The following KCNT1 variants were observed in gnomAD, a reference collection of about 807,000 sequenced individuals.
The protein encoded by KCNT1 is potassium sodium-activated channel subfamily T member 1, also known as potassium channel subfamily T member 1.
In KCNT1, 78 loss-of-function variants were observed where a neutral mutation model predicts 147.8. The ratio of observed to expected loss-of-function variants is 0.53; its 90% CI spans 0.44 to 0.64. KCNT1 has a LOEUF of 0.64. Ranked by LOEUF, KCNT1 falls within the 30% of genes least tolerant of loss-of-function variation. The pLI is 0.00. For synonymous variants in KCNT1, 867 were observed against 748.8 expected, an observed-to-expected ratio of 1.16 and a Z score of -2.58; for missense variants, 1,419 against 1,750.3, an observed-to-expected ratio of 0.81 and a Z score of 3.38.
Position 135,795,447 on chromosome 9 carries a change from CAAAA to C in KCNT1, c.*3287_*3290del, listed in dbSNP as rs1305490242. 6.6e-6 allele frequency: 1 copy of C among 152,070 alleles called. No homozygotes were observed. 9.4% of individuals were successfully genotyped at this position (152,070 alleles called of 1,614,324 possible). ...TGGCAGAGAGAGACCCTGTCTCAAA[CAAAA>C]CAAACAAACAAAAAAGAAAAAGAAA... is the stretch of plus-strand genomic sequence containing the variant. On this transcript the variant is annotated 3_prime_UTR_variant, in exon 31 of 31. Transcript: ENST00000371757.
Position 135,734,315 on chromosome 9 carries a change from C to T in KCNT1, c.255-15783C>T, listed in dbSNP as rs147345053. The stretch of plus-strand genomic sequence containing the variant: ...CCACCTTCCCCTCCGTGCCTGGCTC[C>T]AGCCATGGGCCCTGCACCCGTCCTG... On this transcript the variant is annotated intron_variant, in intron 2 of 30. Transcript: ENST00000371757. 4.7e-3 allele frequency among the ~76,000 whole-genome samples: 711 copies of T among 152,338 alleles called. 7 individuals carry two copies. The highest frequency in any genetic ancestry group is 0.015 in the African/African-American group (642 of 41,576).
intron 2 of KCNT1, 43 bp from the exon 3 acceptor site, chr9:135,750,055 C>A: frequency 1.3e-6 from 2 of 1,521,902 alleles, no homozygotes; most frequent in Non-Finnish European, 9.1e-7. Context: ...CAGCCTGAGT[C>A]CCCACTGGCC....
intron 20 of KCNT1, among the ~76,000 whole-genome samples, chr9:135,775,838 C>T (rs914135557): frequency 2.5e-4 from 38 of 152,348 alleles, no homozygotes; most frequent in Admixed American, 2.0e-4. Flanking sequence ...AGGCCTTCAG[C>T]GTCCTGCGTG....
intron 5 of KCNT1, among the ~76,000 whole-genome samples, chr9:135,754,598 G>A (rs2131424924): frequency 6.6e-6 from 1 of 152,354 alleles, no homozygotes; most frequent in African/African-American, 2.4e-5. Flanking sequence ...GCAAGGAGCA[G>A]ATGGCCCCCT....
Position 135,730,990 on chromosome 9 carries a change from TAA to T in KCNT1, c.254+16292_254+16293del, listed in dbSNP as rs56307359. ...AACAAAGTGAGATCCCGTCTCAAGG[TAA>T]AAAAAAAAAAAAAAAAAAAAAGTGT... On this transcript the variant is annotated intron_variant, in intron 2 of 30. Transcript: ENST00000371757. The surrounding 1 kb of genome is among the most constrained non-coding windows in gnomAD (Gnocchi z 4.7). Among the ~76,000 whole-genome samples the T allele has an allele frequency of 0.018, 1,565 of 85,550 alleles. 45 individuals are homozygous for T. Among genetic ancestry groups the T allele is most frequent in the East Asian group, 0.12 (363 of 3,038 alleles). The allele number at this position is 85,550 out of a possible 152,430, so 56.1% of individuals were successfully genotyped here.
At chr9:135,787,821 C>T (rs1834186739) in intron 29 of KCNT1, among the ~76,000 whole-genome samples, 1 of 152,182 alleles carries the variant, frequency 6.6e-6, no homozygotes, top group African/African-American at 2.4e-5. Flanking sequence ...GGGGGGTGCC[C>T]AGCATTCATG....
At chr9:135,778,875 G>A (rs1336421229) in intron 23 of KCNT1, 53 bp downstream of exon 23, 6 of 1,591,196 alleles carry the variant, frequency 3.8e-6, no homozygotes, top group East Asian at 4.5e-5. Context: ...CCACGACCAC[G>A]GGCCCTCGCC....
At chr9:135,771,474 C>T (rs1305253396) in intron 18 of KCNT1, among the ~76,000 whole-genome samples, 1 of 152,226 alleles carries the variant, frequency 6.6e-6, no homozygotes, top group Non-Finnish European at 1.5e-5. Flanking sequence ...TCACTGTGTC[C>T]AAGTGCCTGT....
intron 2 of KCNT1, among the ~76,000 whole-genome samples, chr9:135,726,691 C>T (rs971064644): frequency 6.6e-6 from 1 of 151,440 alleles, no homozygotes; most frequent in African/African-American, 2.4e-5. Context: ...CTCTCTCTCT[C>T]TCTACCTCTC....
intron 15 of KCNT1, among the ~76,000 whole-genome samples, chr9:135,769,463 A>G (rs1457267001): frequency 6.6e-6 from 1 of 152,160 alleles, no homozygotes; most frequent in Non-Finnish European, 1.5e-5. Flanking sequence ...ACCGCATCCG[A>G]GAAGGGACCT....
At chr9:135,778,613 C>CT (rs2131549102) in intron 22 of KCNT1, 75 bp from the exon 23 acceptor site, 1 of 1,605,926 alleles carries the variant, frequency 6.2e-7, no homozygotes, top group East Asian at 2.2e-5. Flanking sequence ...CTCCTGCCTT[C>CT]TGACCAAATC....
intron 1 of KCNT1, among the ~76,000 whole-genome samples, chr9:135,713,644 G>C (rs1372197257): frequency 6.6e-6 from 1 of 152,162 alleles, no homozygotes; most frequent in Non-Finnish European, 1.5e-5. Flanking sequence ...GGGGGAGCCA[G>C]CCCCCTCCAT....
At chr9:135,778,582 G>T in intron 22 of KCNT1, 87 bp downstream of exon 22, 1 of 1,599,470 alleles carries the variant, frequency 6.3e-7, no homozygotes, top group Non-Finnish European at 8.6e-7. Flanking sequence ...CCGACCGCAG[G>T]TGGGGTGGGG....
In KCNT1 at chr9:135,786,513, C is replaced by G. The variant is rs748679465; in HGVS notation, c.3494C>G (p.Thr1165Ser). Residue 1165 changes from threonine to serine, a missense_variant, in exon 29 of 31, where the codon ACC (threonine) becomes AGC (serine). By Grantham distance (58) the Thr-to-Ser change is moderately conservative. This residue lies in a region of KCNT1 where 306 missense variants were observed against 294.2 expected (regional missense o/e 1.04). Transcript: ENST00000371757. Reference protein sequence around the residue: ...NRMKHLGLPTTGYDEMNDHQN... With the variant: ...NRMKHLGLPTSGYDEMNDHQN... ...ATGAAGCACCTGGGGCTGCCCACCACCGGCTACGGTAAGGGCACACGGCGC... is the reference window on the plus strand; with the variant it reads ...ATGAAGCACCTGGGGCTGCCCACCAGCGGCTACGGTAAGGGCACACGGCGC... 1.3e-6 allele frequency: 2 copies of G among 1,593,056 alleles called. No individual in the cohort carries two copies. Among genetic ancestry groups the G allele is most frequent in the Non-Finnish European group, 8.5e-7 (1 of 1,172,878 alleles).
chr9:135,769,313 G>C (rs186205037), intron 15 of KCNT1, among the ~76,000 whole-genome samples: 1 of 149,974 alleles, frequency 6.7e-6, no homozygotes, highest in Non-Finnish European at 1.5e-5. Flanking sequence ...GTGTGCACAC[G>C]TGGGTGACGG....
At chr9:135,788,308 T>C (rs906482730) in intron 29 of KCNT1, 7 of 725,480 alleles carry the variant, frequency 9.6e-6, no homozygotes, top group Non-Finnish European at 1.5e-5. Flanking sequence ...GCGGCCCTGT[T>C]GGGCAAGGCC....
chr9:135,765,562 C>T (rs891249633), intron 12 of KCNT1, 62 bp from the exon 13 acceptor site: 3 of 1,551,956 alleles, frequency 1.9e-6, no homozygotes, highest in East Asian at 2.3e-5. Context: ...GTCCTGAAGG[C>T]AGGGCCGCCC....
chr9:135,757,015 CT>C, intron 7 of KCNT1, 83 bp downstream of exon 7: 1 of 1,145,952 alleles, frequency 8.7e-7, no homozygotes, highest in Non-Finnish European at 1.3e-6. Context: ...CCCCCACCCT[CT>C]CCTATTTCCC....
At chr9:135,785,509 A>G (rs746995716) in intron 28 of KCNT1, 179 bp downstream of exon 28, 15 of 765,588 alleles carry the variant, frequency 2.0e-5, no homozygotes, top group South Asian at 1.7e-4. Flanking sequence ...GGCTGTTGAC[A>G]CTCACTCCCT....
Sources: allele counts gnomAD v4.1 joint callset (sites outside exome capture counted in the v4.1 genomes callset), GRCh38; gene constraint gnomAD v4.1.1; regional missense constraint gnomAD v4.1.1; non-coding constraint Gnocchi (gnomAD v3.1); transcripts MANE v1.5; gene names NCBI Gene and HGNC (gene_info 2026-07-23, HGNC 2026-07-21).